ZZZ3: variants seen among roughly 807,000 people sequenced by gnomAD.
ZZZ3 encodes the protein ZZ-type zinc finger-containing protein 3.
A neutral mutation model predicts 95.2 loss-of-function variants in ZZZ3; 22 were observed. The observed-to-expected ratio is 0.23, with a 90% CI of 0.17 to 0.33. ZZZ3 has a LOEUF of 0.33. ZZZ3 is among the 10% of genes least tolerant of loss of function. ZZZ3 has a pLI of 1.00. For synonymous variants in ZZZ3, 335 were observed against 358.9 expected (o/e 0.93, Z 0.75); for missense variants, 885 against 1,066.5 (o/e 0.83, Z 2.37).
At chr1:77,671,140 T>C (rs540851242) in intron 1 of ZZZ3, among the ~76,000 whole-genome samples, 48 of 152,214 alleles carry the variant, frequency 3.2e-4, no homozygotes, top group Admixed American at 8.5e-4. Flanking sequence ...TATCTCAAAA[T>C]AATTATGAAA....
At chr1:77,602,593 T>C (rs1201202455) in intron 5 of ZZZ3, among the ~76,000 whole-genome samples, 3 of 143,460 alleles carry the variant, frequency 2.1e-5, no homozygotes, top group Non-Finnish European at 3.0e-5. Context: ...ACAACCATTA[T>C]TTTTACTGAT....
chr1:77,650,016 G>C (rs573425109), intron 1 of ZZZ3, among the ~76,000 whole-genome samples: 2 of 152,268 alleles, frequency 1.3e-5, no homozygotes, highest in Admixed American at 1.3e-4. Flanking sequence ...TACAATGTAA[G>C]ATTCTTATAC....
intron 5 of ZZZ3, among the ~76,000 whole-genome samples, chr1:77,600,694 C>T (rs879457721): frequency 6.6e-6 from 1 of 152,028 alleles, no homozygotes; most frequent in Non-Finnish European, 1.5e-5. Context: ...CATGCAGAAA[C>T]GTTTTTAGGC....
intron 5 of ZZZ3, among the ~76,000 whole-genome samples, chr1:77,604,266 T>C (rs1665018482): frequency 6.6e-6 from 1 of 152,240 alleles, no homozygotes; most frequent in African/African-American, 2.4e-5. Context: ...GGCATTCATA[T>C]ATTTTTATAA....
rs749017505 is a variant in ZZZ3, at chr1:77,576,162, A to G, written c.2237T>C (p.Phe746Ser). Residue 746 changes from phenylalanine to serine, a missense_variant, in exon 12 of 15, where the codon TTC (phenylalanine) becomes TCC (serine). Phe to Ser is a radical substitution (Grantham distance 155). Coordinates refer to ENST00000370801, the MANE Select transcript of ZZZ3 (RefSeq NM_015534.6). The part of the protein sequence containing the change: ...LNKHLFKPST[F>S]MTSHEPPVYM... ...CACTGGCGGTTCATGTGAAGTCATG[A>G]AAGTGGAAGGCTTAAAGAGATGCTT... 2.5e-6 allele frequency: 4 copies of G among 1,613,586 alleles called. No individual in the cohort carries two copies. The African/African-American group carries it at 4.0e-5, about 16-fold the overall frequency.
intron 1 of ZZZ3, among the ~76,000 whole-genome samples, chr1:77,648,829 C>G (rs1669537665): frequency 6.6e-6 from 1 of 152,080 alleles, no homozygotes; most frequent in Non-Finnish European, 1.5e-5. Flanking sequence ...GACGAATTCA[C>G]AGATCAAAGA....
chr1:77,651,358 G>A lies in ZZZ3; in HGVS notation c.-402-9703C>T, dbSNP rs370639970. On this transcript the variant is annotated intron_variant, in intron 1 of 14. Transcript: ENST00000370801. The stretch of plus-strand genomic sequence containing the variant: ...CACGCCACTGCACCCCAGCGTGGGC[G>A]ACAGAGAGAGAGAATCTGTCTTTAA... Among the ~76,000 whole-genome samples the A allele has an allele frequency of 9.9e-5, 15 of 152,218 alleles. No individual in the cohort carries two copies. The East Asian group carries it at 1.5e-3, about 16-fold the overall frequency.
At chr1:77,600,962 G>C (rs1227531986) in intron 5 of ZZZ3, among the ~76,000 whole-genome samples, 3 of 152,116 alleles carry the variant, frequency 2.0e-5, no homozygotes, top group Admixed American at 2.0e-4. Flanking sequence ...TTAACCTGGA[G>C]AATCACAAAA....
At chr1:77,568,256 G>A in intron 13 of ZZZ3, 76 bp downstream of exon 13, 1 of 1,313,816 alleles carries the variant, frequency 7.6e-7, no homozygotes, top group Non-Finnish European at 1.0e-6. Flanking sequence ...TCCAGCCTGG[G>A]CAACAGAGTG....
intron 1 of ZZZ3, among the ~76,000 whole-genome samples, chr1:77,654,292 A>G (rs927498536): frequency 6.6e-6 from 1 of 152,078 alleles, no homozygotes; most frequent in Admixed American, 6.5e-5. Flanking sequence ...GCCACTTGAT[A>G]TACATTTAAG....
chr1:77,568,521 G>A (rs1433719091), intron 12 of ZZZ3, 55 bp from the exon 13 acceptor site: 1 of 904,222 alleles, frequency 1.1e-6, no homozygotes, highest in Non-Finnish European at 1.6e-6. Flanking sequence ...AATGAATTAA[G>A]TGTAAGTAAT....
At chr1:77,602,659 G>A (rs958686270) in intron 5 of ZZZ3, among the ~76,000 whole-genome samples, 2 of 140,782 alleles carry the variant, frequency 1.4e-5, no homozygotes, top group East Asian at 4.2e-4. Flanking sequence ...AGGCTGAAGT[G>A]CAATGGCGTG....
At chr1:77,676,925 TA>T (rs1350571421) in intron 1 of ZZZ3, 1 of 152,152 alleles carries the variant, frequency 6.6e-6, no homozygotes, top group Admixed American at 6.5e-5. Context: ...CCAGATGAGG[TA>T]AAAACTTAAA....
chr1:77,677,815 T>C (rs11578243), intron 1 of ZZZ3, among the ~76,000 whole-genome samples: 2,758 of 152,254 alleles, frequency 0.018, 48 homozygotes, highest in South Asian at 0.066. Flanking sequence ...TAAATGTTTT[T>C]ACCCACAAAT....
At chr1:77,583,021 G>A (rs1472502170) in intron 6 of ZZZ3, among the ~76,000 whole-genome samples, 6 of 151,904 alleles carry the variant, frequency 3.9e-5, no homozygotes, top group Admixed American at 2.0e-4. Context: ...AGAAGAATCT[G>A]TTGAACCTGG....
At chr1:77,621,632 A>G (rs1666872764) in intron 5 of ZZZ3, among the ~76,000 whole-genome samples, 1 of 151,924 alleles carries the variant, frequency 6.6e-6, no homozygotes, top group African/African-American at 2.4e-5. Flanking sequence ...CCTGGGCAAC[A>G]TGACAAAACC....
chr1:77,584,795 G>A (rs1662925908), intron 5 of ZZZ3, 140 bp from the exon 6 acceptor site: 2 of 520,338 alleles, frequency 3.8e-6, no homozygotes, highest in East Asian at 6.7e-5. Context: ...ACATATTACT[G>A]GGAATAAATG....
chr1:77,660,754 C>T (rs1260935798), intron 1 of ZZZ3, among the ~76,000 whole-genome samples: 2 of 152,130 alleles, frequency 1.3e-5, no homozygotes, highest in Non-Finnish European at 2.9e-5. Context: ...GGCCACATTA[C>T]TTCTATCCTA....
rs375472641 is a variant in ZZZ3, at chr1:77,578,791, A to G, written c.2161T>C (p.Tyr721His). Reference protein sequence around the residue: ...IPVPGRTPNLYIYSKKSSTSR... With the variant: ...IPVPGRTPNLHIYSKKSSTSR... ...TCTTTTACCTTTTTGGAGTATATAT[A>G]TAAGTTTGGTGTTCTGCCTGGTACT... is the stretch of plus-strand genomic sequence containing the variant. The change falls in exon 11 of 15, where the codon TAT (tyrosine) becomes CAT (histidine). Residue 721 changes from tyrosine to histidine, a missense_variant. This residue lies in a region of ZZZ3 where 221 missense variants were observed against 247.8 expected (regional missense o/e 0.89). Transcript: ENST00000370801. 2.2e-5 allele frequency: 34 copies of G among 1,555,006 alleles called. No homozygotes were observed. Among genetic ancestry groups the G allele is most frequent in the Non-Finnish European group, 2.7e-5 (31 of 1,155,416 alleles).
Sources: gnomAD v4.1 joint callset for allele counts (sites outside exome capture counted in the v4.1 genomes callset) on GRCh38, gnomAD v4.1.1 for gene constraint, gnomAD v4.1.1 regional missense constraint, MANE v1.5 for transcripts, NCBI Gene and HGNC (gene_info 2026-07-23, HGNC 2026-07-21) for gene names.